The following CNTNAP2 variants were observed in gnomAD, a reference collection of about 807,000 sequenced individuals.
CNTNAP2 encodes contactin associated protein 2.
In CNTNAP2, 98 loss-of-function variants were observed where a neutral mutation model predicts 155.2. The ratio of observed to expected loss-of-function variants is 0.63; its 90% CI spans 0.54 to 0.75. The LOEUF is 0.75. Among genes scored for constraint, CNTNAP2 ranks in the 30% least tolerant of loss-of-function variants. The pLI is 0.00. For missense variants in CNTNAP2, 1,727 were observed against 1,688.1 expected, an observed-to-expected ratio of 1.02 and a Z score of -0.40; for synonymous variants, 651 against 631.2, an observed-to-expected ratio of 1.03 and a Z score of -0.47.
chr7:147,784,695 G>T (rs1006339488), intron 13 of CNTNAP2, among the ~76,000 whole-genome samples: 1 of 149,706 alleles, frequency 6.7e-6, no homozygotes, highest in Non-Finnish European at 1.5e-5. Flanking sequence ...TGACATCATC[G>T]GATTTGTGTT....
chr7:146,628,078 A>G (rs1049899002), intron 1 of CNTNAP2, among the ~76,000 whole-genome samples: 3 of 152,292 alleles, frequency 2.0e-5, no homozygotes, highest in Middle Eastern at 3.4e-3. Flanking sequence ...TAGAAAATCT[A>G]TGATATCCAT....
At chr7:147,424,150 C>G (rs1376148119) in intron 10 of CNTNAP2, among the ~76,000 whole-genome samples, 2 of 152,150 alleles carry the variant, frequency 1.3e-5, no homozygotes, top group African/African-American at 4.8e-5. Flanking sequence ...TCCTCTCCCC[C>G]AATACCTTCA....
At chr7:147,789,345 C>T (rs1353935806) in intron 13 of CNTNAP2, among the ~76,000 whole-genome samples, 6 of 152,162 alleles carry the variant, frequency 3.9e-5, no homozygotes, top group East Asian at 3.9e-4. Flanking sequence ...CTTGGCTGGT[C>T]GTTCTATTTA....
At chr7:148,236,686 A>G (rs1044760287) in intron 20 of CNTNAP2, among the ~76,000 whole-genome samples, 2 of 152,180 alleles carry the variant, frequency 1.3e-5, no homozygotes, top group African/African-American at 2.4e-5. Flanking sequence ...TGAGTAATTC[A>G]TAAAGAAAAA....
At chr7:147,808,142 T>G (rs1448996423) in intron 13 of CNTNAP2, among the ~76,000 whole-genome samples, 2 of 152,176 alleles carry the variant, frequency 1.3e-5, no homozygotes, top group Non-Finnish European at 2.9e-5. Flanking sequence ...ATATATGAAG[T>G]CCCATTGTCC....
chr7:147,416,196 A>G (rs554874823), intron 10 of CNTNAP2, among the ~76,000 whole-genome samples: 10 of 152,310 alleles, frequency 6.6e-5, no homozygotes, highest in Non-Finnish European at 1.2e-4. Flanking sequence ...TTTGTCTTCA[A>G]TTACAATCAG....
At chr7:147,334,271 T>C (rs1006051309) in intron 9 of CNTNAP2, among the ~76,000 whole-genome samples, 15 of 152,220 alleles carry the variant, frequency 9.9e-5, no homozygotes, top group Non-Finnish European at 1.9e-4. Context: ...TTCACAAATA[T>C]GCAAATACCA....
chr7:146,870,659 A>C (rs1467092979), intron 3 of CNTNAP2, among the ~76,000 whole-genome samples: 1 of 152,168 alleles, frequency 6.6e-6, no homozygotes, highest in Admixed American at 6.6e-5. Flanking sequence ...ACTAACTTAA[A>C]GATACTATGT....
chr7:146,399,051 CCTTT>C (rs1257576700), intron 1 of CNTNAP2, among the ~76,000 whole-genome samples: 113 of 149,062 alleles, frequency 7.6e-4, no homozygotes, highest in African/African-American at 2.5e-3. Context: ...TTTTCTTTTT[CCTTT>C]CTTTAAGAAC....
At chr7:146,740,067 T>C (rs529976281) in intron 1 of CNTNAP2, among the ~76,000 whole-genome samples, 6 of 152,208 alleles carry the variant, frequency 3.9e-5, no homozygotes, top group Non-Finnish European at 8.8e-5. Context: ...GACATACCAT[T>C]TAAATCCTGT....
intron 2 of CNTNAP2, among the ~76,000 whole-genome samples, chr7:146,821,825 G>T (rs1285658716): frequency 1.3e-5 from 2 of 151,484 alleles, no homozygotes; most frequent in African/African-American, 4.9e-5. Flanking sequence ...GGAAAAAACA[G>T]GTGCTGGAGA....
At chr7:146,248,585 C>A (rs890427974) in intron 1 of CNTNAP2, among the ~76,000 whole-genome samples, 2 of 152,136 alleles carry the variant, frequency 1.3e-5, no homozygotes, top group East Asian at 1.9e-4. Flanking sequence ...GAGAGATTGA[C>A]GTGTGGCGCC....
chr7:148,168,404 C>G (rs1562981756), intron 17 of CNTNAP2, among the ~76,000 whole-genome samples: 1 of 152,112 alleles, frequency 6.6e-6, no homozygotes, highest in Non-Finnish European at 1.5e-5. Flanking sequence ...GATTTCCTGT[C>G]CTTTCTAGGG....
intron 3 of CNTNAP2, among the ~76,000 whole-genome samples, chr7:147,005,667 T>C (rs1176931439): frequency 6.6e-6 from 1 of 152,074 alleles, no homozygotes; most frequent in African/African-American, 2.4e-5. Context: ...AATTCTATTA[T>C]GCAGACTTAA....
intron 3 of CNTNAP2, among the ~76,000 whole-genome samples, chr7:146,980,731 C>A (rs545695496): frequency 6.6e-6 from 1 of 152,248 alleles, no homozygotes; most frequent in South Asian, 2.1e-4. Flanking sequence ...ACCAAGGCAA[C>A]TGCGCTAAAC....
At chr7:147,309,911 A>T (rs1795092166) in intron 9 of CNTNAP2, among the ~76,000 whole-genome samples, 1 of 152,096 alleles carries the variant, frequency 6.6e-6, no homozygotes, top group Non-Finnish European at 1.5e-5. Context: ...TTCTATTATG[A>T]GAATATCAAT....
At chr7:146,417,676 G>A (rs1795957199) in intron 1 of CNTNAP2, among the ~76,000 whole-genome samples, 2 of 151,964 alleles carry the variant, frequency 1.3e-5, no homozygotes, top group Non-Finnish European at 2.9e-5. Flanking sequence ...TTTGGTGTTG[G>A]CATAAAAGGT....
intron 17 of CNTNAP2, 136 bp from the exon 18 acceptor site, chr7:148,172,106 G>C (rs1366977778): frequency 2.3e-6 from 2 of 885,164 alleles, no homozygotes; most frequent in Non-Finnish European, 3.7e-6. Flanking sequence ...TCTCTATTTA[G>C]ATAGGACCAA....
At chr7:148,282,175 T>C (rs542502542) in intron 21 of CNTNAP2, among the ~76,000 whole-genome samples, 64 of 152,320 alleles carry the variant, frequency 4.2e-4, no homozygotes, top group African/African-American at 1.4e-3. Flanking sequence ...AATCTTTGCT[T>C]ATCACCCAAA....
Sources: allele counts gnomAD v4.1 joint callset (sites outside exome capture counted in the v4.1 genomes callset), GRCh38; gene constraint gnomAD v4.1.1; transcripts MANE v1.5; gene names NCBI Gene and HGNC (gene_info 2026-07-23, HGNC 2026-07-21).